The following PDE10A variants were observed in gnomAD, a reference collection of about 807,000 sequenced individuals.
The protein encoded by PDE10A is cAMP and cAMP-inhibited cGMP 3',5'-cyclic phosphodiesterase 10A.
Under a neutral mutation model 97.7 loss-of-function variants are expected in PDE10A, and 39 were observed. That is an observed-to-expected ratio of 0.40 (90% CI 0.31 to 0.52). The LOEUF (loss-of-function observed/expected upper bound fraction) is 0.52. PDE10A is among the 20% of genes least tolerant of loss of function. The pLI, the probability that PDE10A is intolerant of heterozygous loss-of-function variation, is 0.56. For synonymous variants in PDE10A, 371 were observed against 376.8 expected, an observed-to-expected ratio of 0.98 and a Z score of 0.18; for missense variants, 731 against 1,047.8, an observed-to-expected ratio of 0.70 and a Z score of 4.17.
chr6:165,806,066 AAAAAGATC>A (rs1779130578), intron 1 of PDE10A, among the ~76,000 whole-genome samples: 1 of 150,338 alleles, frequency 6.7e-6, no homozygotes, highest in Admixed American at 6.6e-5. Flanking sequence ...AAAAAAAAAA[AAAAAGATC>A]AAACAGCTAA....
intron 18 of PDE10A, among the ~76,000 whole-genome samples, chr6:165,362,680 A>C (rs1397047690): frequency 6.6e-6 from 1 of 152,192 alleles, no homozygotes; most frequent in South Asian, 2.1e-4. Context: ...CTTCCAAAAA[A>C]ACAGTAGAGG....
chr6:165,574,908 A>T (rs1192199059), intron 1 of PDE10A, among the ~76,000 whole-genome samples: 2 of 152,200 alleles, frequency 1.3e-5, no homozygotes, highest in Admixed American at 1.3e-4. Context: ...TGTGGGTTAG[A>T]GGTCATGCCA....
At chr6:165,869,803 C>A (rs966733514) in intron 1 of PDE10A, among the ~76,000 whole-genome samples, 27 of 152,008 alleles carry the variant, frequency 1.8e-4, no homozygotes, top group African/African-American at 6.5e-4. Context: ...GTATTTACAG[C>A]AAACTGATTT....
chr6:165,485,159 G>A (rs773759930), intron 2 of PDE10A, among the ~76,000 whole-genome samples: 16 of 152,256 alleles, frequency 1.1e-4, no homozygotes, highest in Middle Eastern at 3.4e-3. Context: ...ACCACACGGA[G>A]ACCAAGCACC....
chr6:165,713,785 A>G (rs1330262708), intron 1 of PDE10A, among the ~76,000 whole-genome samples: 2 of 152,224 alleles, frequency 1.3e-5, no homozygotes, highest in African/African-American at 4.8e-5. Context: ...CACTTGGTAC[A>G]TTATTAACAG....
chr6:165,558,916 C>T (rs1285750869), intron 1 of PDE10A, among the ~76,000 whole-genome samples: 4 of 151,726 alleles, frequency 2.6e-5, no homozygotes, highest in East Asian at 1.9e-4. Context: ...CAAACCTGCA[C>T]GTTGTGCACA....
chr6:165,845,322 A>C (rs979333304), intron 1 of PDE10A, among the ~76,000 whole-genome samples: 1 of 152,254 alleles, frequency 6.6e-6, no homozygotes, highest in African/African-American at 2.4e-5. Context: ...AATTATCACA[A>C]ATGGCAATCT....
chr6:165,611,412 A>G (rs1787488508), intron 1 of PDE10A, among the ~76,000 whole-genome samples: 1 of 152,198 alleles, frequency 6.6e-6, no homozygotes, highest in Non-Finnish European at 1.5e-5. Context: ...GTCCTGAGGA[A>G]GGGCTCTGAT....
chr6:165,573,174 A>C (rs1785130305), intron 1 of PDE10A, among the ~76,000 whole-genome samples: 1 of 152,192 alleles, frequency 6.6e-6, no homozygotes, highest in South Asian at 2.1e-4. Context: ...GGACTTCATA[A>C]GGAGCCATTA....
At position 165,655,604 on chromosome 6, in the gene PDE10A, C is replaced by T. The variant is rs1429472980; in HGVS notation, c.865+6343G>A. Among the ~76,000 whole-genome samples the T allele has an allele frequency of 1.3e-5, 2 of 152,176 alleles. No homozygotes were observed. The highest frequency in any genetic ancestry group is 2.4e-5 in the African/African-American group (1 of 41,446). The stretch of plus-strand genomic sequence containing the variant: ...ATCGCCGTGATCCAAGTTACCATTG[C>T]TCTTGTCTTGACTATGACAGTAGCA... On this transcript the variant is annotated intron_variant, in intron 1 of 21. Transcript: ENST00000539869. This position sits in a 1 kb window ranked among gnomAD's most constrained non-coding sequence, Gnocchi z 4.5.
chr6:165,877,126 G>A (rs1464190456), intron 1 of PDE10A, among the ~76,000 whole-genome samples: 1 of 152,186 alleles, frequency 6.6e-6, no homozygotes, highest in Non-Finnish European at 1.5e-5. Context: ...GGCACTATCT[G>A]CTTTTAGAAT....
intron 1 of PDE10A, among the ~76,000 whole-genome samples, chr6:165,633,953 A>C (rs1319473294): frequency 6.6e-6 from 1 of 152,226 alleles, no homozygotes; most frequent in African/African-American, 2.4e-5. Flanking sequence ...AAATGTAAAC[A>C]GACTCATAGG....
intron 1 of PDE10A, among the ~76,000 whole-genome samples, chr6:165,816,480 G>T (rs1479097702): frequency 1.3e-5 from 2 of 152,222 alleles, no homozygotes; most frequent in African/African-American, 4.8e-5. Context: ...ACGTGCTCTG[G>T]AGCAGGGTCT....
chr6:165,507,417 C>T (rs774956936), intron 2 of PDE10A, among the ~76,000 whole-genome samples: 4 of 152,036 alleles, frequency 2.6e-5, no homozygotes, highest in Admixed American at 2.6e-4. Flanking sequence ...TAACACAGTA[C>T]TTGTAAATTA....
intron 1 of PDE10A, among the ~76,000 whole-genome samples, chr6:165,826,408 C>T (rs75992431): frequency 6.6e-6 from 1 of 150,806 alleles, no homozygotes; most frequent in Non-Finnish European, 1.5e-5. Context: ...TCCCCATGTC[C>T]CTCTGTCCTG....
intron 1 of PDE10A, among the ~76,000 whole-genome samples, chr6:165,606,947 A>C (rs964818633): frequency 6.6e-6 from 1 of 152,150 alleles, no homozygotes; most frequent in East Asian, 1.9e-4. Flanking sequence ...CTCTGGCAAC[A>C]ACTTAGGGCT....
At chr6:165,953,036 G>A (rs959247801) in intron 1 of PDE10A, among the ~76,000 whole-genome samples, 9 of 152,102 alleles carry the variant, frequency 5.9e-5, no homozygotes, top group East Asian at 1.9e-4. Flanking sequence ...ATGAAAATCC[G>A]TGTTTGAGCT....
At chr6:165,947,728 C>T (rs1161268375) in intron 1 of PDE10A, among the ~76,000 whole-genome samples, 4 of 152,120 alleles carry the variant, frequency 2.6e-5, no homozygotes, top group African/African-American at 7.2e-5. Context: ...ATGCTATAAC[C>T]ACTGCTACTT....
intron 18 of PDE10A, among the ~76,000 whole-genome samples, chr6:165,359,799 C>CT (rs946696628): frequency 6.0e-5 from 9 of 150,572 alleles, no homozygotes; most frequent in African/African-American, 9.7e-5. Flanking sequence ...TGTCACATAT[C>CT]TTTTTTTTTC....
Sources: gnomAD v4.1 joint callset for allele counts (sites outside exome capture counted in the v4.1 genomes callset) on GRCh38, gnomAD v4.1.1 for gene constraint, Gnocchi (gnomAD v3.1) non-coding constraint, MANE v1.5 for transcripts, NCBI Gene and HGNC (gene_info 2026-07-23, HGNC 2026-07-21) for gene names.